The following SAMD4A variants were observed in gnomAD, a reference collection of about 807,000 sequenced individuals.
The protein encoded by SAMD4A is sterile alpha motif domain containing 4A.
In SAMD4A, 33 loss-of-function variants were observed where a neutral mutation model predicts 81.3. The ratio of observed to expected loss-of-function variants is 0.41; its 90% CI spans 0.31 to 0.54. The LOEUF is 0.54. Ranked by LOEUF, SAMD4A falls within the 20% of genes least tolerant of loss-of-function variation. The pLI is 0.37. For missense variants in SAMD4A, 854 were observed against 951.1 expected (o/e 0.90, Z 1.34); for synonymous variants, 389 against 382.1 (o/e 1.02, Z -0.21).
chr14:54,733,768 A>G (rs1056410579), intron 3 of SAMD4A, among the ~76,000 whole-genome samples: 4 of 152,104 alleles, frequency 2.6e-5, no homozygotes, highest in African/African-American at 9.7e-5. Context: ...TGGGGCAGCT[A>G]GCACCACACT....
chr14:54,691,345 C>G (rs1051456550), intron 2 of SAMD4A, among the ~76,000 whole-genome samples: 1 of 152,124 alleles, frequency 6.6e-6, no homozygotes, highest in Non-Finnish European at 1.5e-5. Context: ...CAAGGGCCCT[C>G]ATCTGATCAG....
At chr14:54,676,451 A>C (rs1850856431) in intron 2 of SAMD4A, among the ~76,000 whole-genome samples, 1 of 152,080 alleles carries the variant, frequency 6.6e-6, no homozygotes, top group Non-Finnish European at 1.5e-5. Flanking sequence ...TGCTTGGCTC[A>C]CTGTAACCTC....
At chr14:54,566,922 G>C (rs1374748028), upstream of SAMD4A, among the ~76,000 whole-genome samples, 1 of 152,102 alleles carries the variant, frequency 6.6e-6, no homozygotes, top group African/African-American at 2.4e-5. Flanking sequence ...TTTTTGTCTC[G>C]AGCTGCTGCC....
intron 2 of SAMD4A, among the ~76,000 whole-genome samples, chr14:54,621,233 A>T (rs1236238388): frequency 1.3e-5 from 2 of 152,242 alleles, no homozygotes; most frequent in Admixed American, 6.5e-5. Flanking sequence ...ATCAGAGAGT[A>T]GTCTTCCCTC....
Position 54,720,153 on chromosome 14 carries a change from T to C in SAMD4A, c.716-16871T>C, listed in dbSNP as rs558820124. Among the ~76,000 whole-genome samples the C allele has an allele frequency of 2.0e-5, 3 of 152,330 alleles. No individual in the cohort carries two copies. In the East Asian group the frequency reaches 5.8e-4, roughly 29 times the overall value. On this transcript the variant is annotated intron_variant, in intron 3 of 12. Transcript: ENST00000554335. ...ACTATGTAATTTTAGATCTCTGCTATCATATTTTCAAATTCCGAGAGTTCT... is the reference window on the plus strand; with the variant it reads ...ACTATGTAATTTTAGATCTCTGCTACCATATTTTCAAATTCCGAGAGTTCT...
chr14:54,596,321 A>G (rs962074105), intron 2 of SAMD4A, among the ~76,000 whole-genome samples: 4 of 152,208 alleles, frequency 2.6e-5, no homozygotes, highest in Non-Finnish European at 4.4e-5. Flanking sequence ...GCAGTGGCTC[A>G]TGCCTGTAAT....
chr14:54,764,522 C>G lies in SAMD4A; in HGVS notation c.1578C>G (p.Asp526Glu). 1 of 1,610,640 alleles carries G rather than the reference C, an allele frequency of 6.2e-7. No individual in the cohort carries two copies. Among genetic ancestry groups the G allele is most frequent in the Non-Finnish European group, 8.5e-7 (1 of 1,177,640 alleles). The change falls in exon 8 of 13, where the codon GAC becomes GAG. Residue 526 changes from aspartate to glutamate, a missense_variant. By Grantham distance (45) the Asp-to-Glu change is conservative. Transcript: ENST00000554335. ...TAAGTTCCTATTTACAGCTCATAGACAAGTGTCTAATTCATGAGGTGAGTA... is the reference window on the plus strand; with the variant it reads ...TAAGTTCCTATTTACAGCTCATAGAGAAGTGTCTAATTCATGAGGTGAGTA... Reference protein sequence around the residue: ...ENISSYLQLIDKCLIHEAFTE... With the variant: ...ENISSYLQLIEKCLIHEAFTE...
At chr14:54,696,226 AT>A in intron 2 of SAMD4A, among the ~76,000 whole-genome samples, 1 of 152,278 alleles carries the variant, frequency 6.6e-6, no homozygotes, top group East Asian at 1.9e-4. Context: ...CCATGTTGGT[AT>A]TTTTGCCCTG....
rs3049830 is a variant in SAMD4A at position 54,602,323 on chromosome 14, TACACACACACACACAC to T, written c.196+34248_196+34263del. Among the ~76,000 whole-genome samples, 263 of 136,628 alleles carry T rather than the reference TACACACACACACACAC, an allele frequency of 1.9e-3. 1 individual carries two copies. The highest frequency in any genetic ancestry group is 2.7e-3 in the East Asian group (12 of 4,438). 89.6% of individuals were successfully genotyped at this position (136,628 alleles called of 152,430 possible). On this transcript the variant is annotated intron_variant, in intron 2 of 12. Coordinates refer to ENST00000554335, the MANE Select transcript of SAMD4A (RefSeq NM_015589.6). ...CCATTGCTAGAGGACTGCTTTAAAA[TACACACACACACACAC>T]ACACACACACACACACACACACACA...
intron 2 of SAMD4A, among the ~76,000 whole-genome samples, chr14:54,691,952 C>T (rs953247672): frequency 2.6e-5 from 4 of 152,214 alleles, no homozygotes; most frequent in Non-Finnish European, 5.9e-5. Flanking sequence ...TTTCATATTT[C>T]ATACCTAAAT....
At chr14:54,753,058 G>A (rs12885789) in intron 6 of SAMD4A, among the ~76,000 whole-genome samples, 56,633 of 151,862 alleles carry the variant, frequency 0.37, 12,962 homozygotes, top group Non-Finnish European at 0.53. Flanking sequence ...ATGTACAATC[G>A]GGTTTTATAA....
intron 2 of SAMD4A, among the ~76,000 whole-genome samples, chr14:54,616,100 C>A (rs1040404002): frequency 6.6e-6 from 1 of 152,186 alleles, no homozygotes; most frequent in African/African-American, 2.4e-5. Context: ...TAACTGCAGG[C>A]AAATAGCTTC....
At chr14:54,634,416 C>T (rs1403217023) in intron 2 of SAMD4A, among the ~76,000 whole-genome samples, 2 of 152,062 alleles carry the variant, frequency 1.3e-5, no homozygotes, top group East Asian at 3.8e-4. Context: ...TCAGCGGTCC[C>T]CCACCTTTTT....
chr14:54,775,113 CCAT>C lies in SAMD4A; in HGVS notation c.1899_1901del (p.Ile633del), dbSNP rs749799867. ...CAGCGCAACACCACAGCTACCCCCA[CCAT>C]CATGAAACAAGGAAGACAGGTTTGT... is the stretch of plus-strand genomic sequence containing the variant. On this transcript the variant is annotated inframe_deletion, in exon 10 of 13. Transcript: ENST00000554335. The C allele has an allele frequency of 2.5e-6, 4 of 1,614,090 alleles. No homozygotes were observed. The East Asian group carries it at 8.9e-5, about 36-fold the overall frequency.
chr14:54,694,999 C>A, intron 2 of SAMD4A: 1 of 803,756 alleles, frequency 1.2e-6, no homozygotes. Flanking sequence ...TGGTCAGATG[C>A]CTTTGAATGA....
chr14:54,650,930 G>A (rs992366314), intron 2 of SAMD4A, among the ~76,000 whole-genome samples: 5 of 152,152 alleles, frequency 3.3e-5, no homozygotes, highest in African/African-American at 4.8e-5. Flanking sequence ...AACTGAGGTC[G>A]TGAAAGGTCA....
intron 2 of SAMD4A, among the ~76,000 whole-genome samples, chr14:54,645,479 T>C (rs866262661): frequency 3.9e-5 from 6 of 152,244 alleles, no homozygotes; most frequent in African/African-American, 1.4e-4. Flanking sequence ...ATTATCTTAA[T>C]TACAAAAATA....
At chr14:54,700,255 A>G (rs2036679978) in intron 2 of SAMD4A, among the ~76,000 whole-genome samples, 1 of 152,010 alleles carries the variant, frequency 6.6e-6, no homozygotes, top group South Asian at 2.1e-4. Flanking sequence ...GGCAGATGCT[A>G]TTTGGGGCTC....
chr14:54,692,229 C>A (rs1280767505), intron 2 of SAMD4A, among the ~76,000 whole-genome samples: 1 of 152,172 alleles, frequency 6.6e-6, no homozygotes, highest in African/African-American at 2.4e-5. Flanking sequence ...TCCCTGGTGT[C>A]AGGGGTGGGA....
Sources: gnomAD v4.1 joint callset for allele counts (sites outside exome capture counted in the v4.1 genomes callset) on GRCh38, gnomAD v4.1.1 for gene constraint, MANE v1.5 for transcripts, NCBI Gene and HGNC (gene_info 2026-07-23, HGNC 2026-07-21) for gene names.